SEMA6C: variants seen among roughly 807,000 people sequenced by gnomAD.
SEMA6C encodes the protein semaphorin-6C.
SEMA6C carries 37 observed loss-of-function variants against 72.9 expected under a neutral mutation model. The ratio of observed to expected loss-of-function variants is 0.51; its 90% CI spans 0.39 to 0.67. SEMA6C has a LOEUF of 0.67. Ranked by LOEUF, SEMA6C falls within the 30% of genes least tolerant of loss-of-function variation. The probability of loss-of-function intolerance (pLI) is 0.00; values close to 1 mark genes in which losing one functional copy is unlikely to be tolerated. For missense variants in SEMA6C, 1,189 were observed against 1,263.6 expected, an observed-to-expected ratio of 0.94 and a Z score of 0.89; for synonymous variants, 578 against 554.1, an observed-to-expected ratio of 1.04 and a Z score of -0.61.
At position 151,132,396 on chromosome 1, in the gene SEMA6C, G is replaced by C. The variant is rs779245703; in HGVS notation, c.*88C>G. ...CGGGAAGGCTGGAGGTGCGGGGCGA[G>C]GGGGCGGTGAAACGTCCTGAAGAGC... On this transcript the variant is annotated 3_prime_UTR_variant, in exon 19 of 19. Transcript: ENST00000368914. The C allele has an allele frequency of 5.3e-6, 8 of 1,523,226 alleles. No homozygotes were observed. The highest frequency in any genetic ancestry group is 4.2e-5 in the Admixed American group (2 of 47,338). The allele number at this position is 1,523,226 out of a possible 1,614,324, so 94.4% of individuals were successfully genotyped here.
chr1:151,136,344 C>A lies in SEMA6C; in HGVS notation c.1106+104G>T, dbSNP rs878857048. The A allele has an allele frequency of 4.0e-5, 61 of 1,524,130 alleles. No homozygotes were observed. The East Asian group carries it at 5.9e-4, about 15-fold the overall frequency. 94.4% of individuals were successfully genotyped at this position (1,524,130 alleles called of 1,614,324 possible). A position where few individuals can be genotyped will look rare whatever the true frequency, so the allele number is the denominator to read the frequency against. The stretch of plus-strand genomic sequence containing the variant: ...GCCCCACTGCCACCCCACTATAGCT[C>A]CCCACCCTGAGGCCTTGGACATCTC... On this transcript the variant is annotated intron_variant, in intron 12 of 18. Coordinates refer to ENST00000368914, the MANE Select transcript of SEMA6C (RefSeq NM_030913.6).
chr1:151,138,563 A>G, intron 7 of SEMA6C, 67 bp downstream of exon 7: 1 of 1,524,566 alleles, frequency 6.6e-7, no homozygotes, highest in Non-Finnish European at 9.1e-7. Context: ...GTCCTTTCCC[A>G]TCAAACCCAT....
rs1460511249 is a variant in SEMA6C at position 151,132,326 on chromosome 1, T to G, written c.*158A>C. 6.5e-7 allele frequency: 1 copy of G among 1,540,530 alleles called. No individual in the cohort carries two copies. On this transcript the variant is annotated 3_prime_UTR_variant, in exon 19 of 19. Coordinates refer to ENST00000368914, the MANE Select transcript of SEMA6C (RefSeq NM_030913.6). ...CGAGGACAGGGGGAAAGACAGTCAA[T>G]AAATAAACCCGAGGCGAAAAGGGGC...
At chr1:151,142,137 T>C (rs587720290) in intron 3 of SEMA6C, among the ~76,000 whole-genome samples, 6 of 151,038 alleles carry the variant, frequency 4.0e-5, no homozygotes, top group South Asian at 4.2e-4. Context: ...TCCGGGTTCA[T>C]GCCATTCTCC....
At chr1:151,134,548 C>T in intron 17 of SEMA6C, 72 bp downstream of exon 17, 1 of 1,606,928 alleles carries the variant, frequency 6.2e-7, no homozygotes, top group Non-Finnish European at 8.5e-7. Flanking sequence ...AAGGCCAAGC[C>T]TGGGATGGTG....
chr1:151,138,190 G>T lies in SEMA6C; in HGVS notation c.548-85C>A, dbSNP rs1023471396. The T allele has an allele frequency of 1.9e-5, 30 of 1,589,636 alleles. No homozygotes were observed. In the Admixed American group the frequency reaches 5.1e-4, roughly 27 times the overall value. Reference sequence around the variant, plus strand: ...CTTGGGCCTCCTGCACCCCTACCTAGGCCTGGCCCTGGTCCCTACCTCAAC... The same window carrying T: ...CTTGGGCCTCCTGCACCCCTACCTATGCCTGGCCCTGGTCCCTACCTCAAC... On this transcript the variant is annotated intron_variant, in intron 8 of 18. Coordinates refer to ENST00000368914, the MANE Select transcript of SEMA6C (RefSeq NM_030913.6).
rs202096478 is a variant in SEMA6C at position 151,133,071 on chromosome 1, G to A, written c.2206C>T (p.Arg736Trp). ...NNAKEGPGRS[R>W]GGHAAGGPAP... Reference sequence around the variant, plus strand: ...GGCCCGCCCGCCGCGTGCCCGCCCCGTGAGCGGCCCGGACCCTCCTTGGCG... The same window carrying A: ...GGCCCGCCCGCCGCGTGCCCGCCCCATGAGCGGCCCGGACCCTCCTTGGCG... The change falls in exon 19 of 19, where the codon CGG (arginine) becomes TGG (tryptophan). Residue 736 changes from arginine (R) to tryptophan (W), a missense_variant. This residue lies in a region of SEMA6C where 721 missense variants were observed against 686.2 expected (regional missense o/e 1.05). Coordinates refer to ENST00000368914, the MANE Select transcript of SEMA6C (RefSeq NM_030913.6). The surrounding 1 kb of genome is among the most constrained non-coding windows in gnomAD (Gnocchi z 5.9). 530 of 1,495,068 alleles carry A rather than the reference G, an allele frequency of 3.5e-4. 1 individual carries two copies. In the African/African-American group the frequency reaches 5.9e-3, roughly 17 times the overall value. The allele number at this position is 1,495,068 out of a possible 1,614,324, so 92.6% of individuals were successfully genotyped here.
At position 151,136,634 on chromosome 1, in the gene SEMA6C, C is replaced by A. The variant is rs587597576; in HGVS notation, c.975-55G>T. 65 of 1,604,804 alleles carry A rather than the reference C, an allele frequency of 4.1e-5. No individual in the cohort carries two copies. In the East Asian group the frequency reaches 9.8e-4, roughly 24 times the overall value. On this transcript the variant is annotated intron_variant, in intron 11 of 18. Coordinates refer to ENST00000368914, the MANE Select transcript of SEMA6C (RefSeq NM_030913.6). ...GTGCTGAAAGGAACTGCACAACTTCCCCCAGGAAGAAGTGGTGGCACCCTT... is the reference window on the plus strand; with the variant it reads ...GTGCTGAAAGGAACTGCACAACTTCACCCAGGAAGAAGTGGTGGCACCCTT...
In SEMA6C at chr1:151,137,074, C is replaced by T. The variant is rs765442128; in HGVS notation, c.757G>A (p.Val253Met). 33 of 1,612,744 alleles carry T rather than the reference C, an allele frequency of 2.0e-5. No individual in the cohort carries two copies. The highest frequency in any genetic ancestry group is 3.8e-4 in the Middle Eastern group (2 of 5,200). The part of the protein sequence containing the change: ...VSVEDARLGR[V>M]QFSRVARVCK... ...ACTCGGGCTACGCGGGAGAACTGCA[C>T]CTAGGGGAGGAGAGTGGAGTAGACA... The change falls in exon 11 of 19, where the codon GTG (valine) becomes ATG (methionine). Residue 253 changes from valine (V) to methionine (M), a missense_variant and splice_region_variant. By Grantham distance (21) the Val-to-Met change is conservative. Coordinates refer to ENST00000368914, the MANE Select transcript of SEMA6C (RefSeq NM_030913.6).
Position 151,132,596 on chromosome 1 carries a change from C to A in SEMA6C, c.2681G>T (p.Gly894Val). ...GACGTCCACCCTTTTCAGGGCGCGGCCCCGGTAGCCCTCGGGCCGGCCCAG... is the reference window on the plus strand; with the variant it reads ...GACGTCCACCCTTTTCAGGGCGCGGACCCGGTAGCCCTCGGGCCGGCCCAG... ...LYLGRPEGYR[G>V]RALKRVDVEK... Residue 894 changes from glycine (G) to valine (V), a missense_variant, in exon 19 of 19, where the codon GGC (glycine) becomes GTC (valine). This residue lies in a region of SEMA6C where 721 missense variants were observed against 686.2 expected (regional missense o/e 1.05). Coordinates refer to ENST00000368914, the MANE Select transcript of SEMA6C (RefSeq NM_030913.6). The A allele has an allele frequency of 6.4e-7, 1 of 1,551,434 alleles. No homozygotes were observed. The highest frequency in any genetic ancestry group is 8.7e-7 in the Non-Finnish European group (1 of 1,147,286).
intron 13 of SEMA6C, 92 bp downstream of exon 13, chr1:151,135,919 C>A: frequency 6.4e-7 from 1 of 1,563,504 alleles, no homozygotes; most frequent in South Asian, 1.2e-5. Flanking sequence ...CAAGTTCTTC[C>A]TCCCACCAAT....
At chr1:151,134,089 C>T (rs987584046) in intron 18 of SEMA6C, 1 of 1,408,972 alleles carries the variant, frequency 7.1e-7, no homozygotes, top group Non-Finnish European at 9.5e-7. Flanking sequence ...GCCAGTGAGG[C>T]TCTTGATCTC....
At chr1:151,143,318 A>G (rs889533265) in intron 2 of SEMA6C, among the ~76,000 whole-genome samples, 2 of 151,838 alleles carry the variant, frequency 1.3e-5, no homozygotes, top group South Asian at 4.2e-4. Context: ...GGTGGGGGGG[A>G]CTGTCTTCGC....
intron 14 of SEMA6C, 124 bp from the exon 15 acceptor site, chr1:151,135,433 C>T (rs1203972951): frequency 1.7e-5 from 24 of 1,450,434 alleles, no homozygotes; most frequent in East Asian, 2.3e-5. Context: ...GCTGCCCCGC[C>T]CTACCACACT....
At chr1:151,144,825 CTCT>C (rs1370403366) in intron 1 of SEMA6C, among the ~76,000 whole-genome samples, 1 of 152,178 alleles carries the variant, frequency 6.6e-6, no homozygotes, top group Admixed American at 6.5e-5. Context: ...CATTTACATG[CTCT>C]TCATTTCCAG....
intron 17 of SEMA6C, 58 bp from the exon 18 acceptor site, chr1:151,134,503 TGG>T: frequency 6.2e-7 from 1 of 1,605,078 alleles, no homozygotes; most frequent in Non-Finnish European, 8.5e-7. Context: ...GAAGAACTGA[TGG>T]GGTGACTGTG....
Position 151,135,752 on chromosome 1 carries a change from G to A in SEMA6C, c.1272C>T (p.Thr424=). ...CAGCCATGCCATCCACAGCTACTTG[G>A]GTCAGTAGGGCCCTGGAGGAAAGGG... is the stretch of plus-strand genomic sequence containing the variant. The part of the protein sequence containing the change: ...LLTLTSRALL[T]QVAVDGMAGP... Residue 424 remains threonine, a synonymous_variant, in exon 14 of 19, where the codon ACC becomes ACT. Transcript: ENST00000368914. The A allele has an allele frequency of 1.2e-6, 2 of 1,614,080 alleles. No homozygotes were observed. Among genetic ancestry groups the A allele is most frequent in the East Asian group, 2.2e-5 (1 of 44,870 alleles).
intron 18 of SEMA6C, 73 bp downstream of exon 18, chr1:151,134,328 C>T (rs1387175324): frequency 2.2e-6 from 3 of 1,393,148 alleles, no homozygotes; most frequent in South Asian, 1.2e-5. Flanking sequence ...TGCTGCTCTG[C>T]TGCTGCTACA....
chr1:151,140,583 G>C (rs1365628379), intron 3 of SEMA6C, among the ~76,000 whole-genome samples: 1 of 152,206 alleles, frequency 6.6e-6, no homozygotes, highest in Non-Finnish European at 1.5e-5. Flanking sequence ...AGCCCTCCAA[G>C]GTTTCTGCCT....
Sources: gnomAD v4.1 joint callset for allele counts (sites outside exome capture counted in the v4.1 genomes callset) on GRCh38, gnomAD v4.1.1 for gene constraint, gnomAD v4.1.1 regional missense constraint, Gnocchi (gnomAD v3.1) non-coding constraint, MANE v1.5 for transcripts, NCBI Gene and HGNC (gene_info 2026-07-23, HGNC 2026-07-21) for gene names.